Variants in ASAP1 observed in about 807,000 individuals in gnomAD.
ASAP1 encodes arf-GAP with SH3 domain, ANK repeat and PH domain-containing protein 1.
In ASAP1, 43 loss-of-function variants were observed where a neutral mutation model predicts 145.2. That is an observed-to-expected ratio of 0.30 (90% CI 0.23 to 0.38). The LOEUF (loss-of-function observed/expected upper bound fraction) is 0.38. ASAP1 is among the 10% of genes least tolerant of loss of function. The pLI is 1.00. For synonymous variants in ASAP1, 546 were observed against 515.5 expected (o/e 1.06, Z -0.80); for missense variants, 1,018 against 1,355.3 (o/e 0.75, Z 3.91).
intron 3 of ASAP1, among the ~76,000 whole-genome samples, chr8:130,307,177 C>T (rs1434425769): frequency 6.6e-6 from 1 of 151,340 alleles, no homozygotes; most frequent in East Asian, 1.9e-4. Flanking sequence ...ACAATGTACC[C>T]TCTATGAAGA....
At chr8:130,193,595 G>C (rs927568851) in intron 5 of ASAP1, among the ~76,000 whole-genome samples, 7 of 152,072 alleles carry the variant, frequency 4.6e-5, no homozygotes, top group Non-Finnish European at 1.0e-4. Context: ...AATATGAAAA[G>C]ACAGTGATTA....
At chr8:130,076,430 T>C (rs1031098123) in intron 26 of ASAP1, 24 bp from the exon 27 acceptor site, 2 of 1,577,386 alleles carry the variant, frequency 1.3e-6, no homozygotes, top group Non-Finnish European at 1.7e-6. Flanking sequence ...AAGAATCATT[T>C]AGGATCTAAA....
chr8:130,306,233 A>G (rs1822984803), intron 3 of ASAP1, among the ~76,000 whole-genome samples: 1 of 152,258 alleles, frequency 6.6e-6, no homozygotes, highest in African/African-American at 2.4e-5. Context: ...GCAATCTAGC[A>G]GAGTAGGCAC....
At chr8:130,268,927 T>C (rs1328191828) in intron 3 of ASAP1, among the ~76,000 whole-genome samples, 2 of 152,108 alleles carry the variant, frequency 1.3e-5, no homozygotes, top group African/African-American at 4.8e-5. Flanking sequence ...ATCAAGTTAC[T>C]TAACATGATT....
At position 130,248,961 on chromosome 8, in the gene ASAP1, C is replaced by A. The variant is rs190544642; in HGVS notation, c.187-11967G>T. On this transcript the variant is annotated intron_variant, in intron 3 of 29. Transcript: ENST00000518721. ...TTCTATTTTTTAGAAACAGGGGTCT[C>A]ACTATGTTAATAGGCTAGATTCGAA... Among the ~76,000 whole-genome samples the A allele has an allele frequency of 9.5e-4, 144 of 152,210 alleles. 2 individuals are homozygous for A. Among genetic ancestry groups the A allele is most frequent in the African/African-American group, 3.2e-3 (135 of 41,546 alleles).
intron 1 of ASAP1, among the ~76,000 whole-genome samples, chr8:130,411,005 C>G (rs1012458831): frequency 2.0e-5 from 3 of 152,206 alleles, no homozygotes; most frequent in African/African-American, 7.2e-5. Context: ...GGATTACAGG[C>G]ACCCACCACC....
intron 13 of ASAP1, among the ~76,000 whole-genome samples, chr8:130,146,016 GTT>G (rs376317332): frequency 2.1e-4 from 26 of 123,626 alleles, no homozygotes; most frequent in Admixed American, 3.3e-4. Flanking sequence ...TAAGTTTTGT[GTT>G]TTTTTTTTTT....
At chr8:130,397,031 G>A (rs967789752) in intron 2 of ASAP1, among the ~76,000 whole-genome samples, 1 of 152,142 alleles carries the variant, frequency 6.6e-6, no homozygotes, top group Non-Finnish European at 1.5e-5. Context: ...TAAAGGAAAC[G>A]GGTCTTGTTC....
chr8:130,236,802 AC>A (rs1176894131), intron 4 of ASAP1, 119 bp downstream of exon 4: 10 of 668,146 alleles, frequency 1.5e-5, no homozygotes, highest in Non-Finnish European at 2.4e-6. Context: ...AATTTCTTTT[AC>A]CTACTTACTT....
intron 13 of ASAP1, among the ~76,000 whole-genome samples, chr8:130,147,271 T>G (rs1295660152): frequency 6.6e-6 from 1 of 150,766 alleles, no homozygotes; most frequent in East Asian, 1.9e-4. Context: ...AGTTGTACAT[T>G]AGAGAAGTAG....
At chr8:130,352,491 A>G (rs1204284873) in intron 3 of ASAP1, among the ~76,000 whole-genome samples, 1 of 152,250 alleles carries the variant, frequency 6.6e-6, no homozygotes, top group East Asian at 1.9e-4. Context: ...TCAGCATGGC[A>G]GACACCCAAA....
At chr8:130,353,457 T>C (rs1826119409) in intron 3 of ASAP1, among the ~76,000 whole-genome samples, 1 of 152,348 alleles carries the variant, frequency 6.6e-6, no homozygotes, top group Middle Eastern at 3.4e-3. Flanking sequence ...CCTTTTTTAA[T>C]CAGACCAAAA....
At chr8:130,307,270 G>C (rs1823051783) in intron 3 of ASAP1, among the ~76,000 whole-genome samples, 1 of 150,944 alleles carries the variant, frequency 6.6e-6, no homozygotes, top group Non-Finnish European at 1.5e-5. Flanking sequence ...TGCTCCATTT[G>C]ATATTTCTTG....
chr8:130,143,815 G>A (rs2097619518), intron 13 of ASAP1, among the ~76,000 whole-genome samples: 1 of 152,226 alleles, frequency 6.6e-6, no homozygotes, highest in South Asian at 2.1e-4. Flanking sequence ...TTTGCTGGAA[G>A]TGTAAAGTTG....
intron 2 of ASAP1, among the ~76,000 whole-genome samples, chr8:130,368,935 A>C (rs1827088054): frequency 6.6e-6 from 1 of 152,184 alleles, no homozygotes; most frequent in African/African-American, 2.4e-5. Context: ...AATACTAAAA[A>C]AGCCCTGGCT....
intron 3 of ASAP1, among the ~76,000 whole-genome samples, chr8:130,332,133 A>G (rs904840807): frequency 6.6e-6 from 1 of 152,192 alleles, no homozygotes; most frequent in Middle Eastern, 3.2e-3. Flanking sequence ...CATGACCAAC[A>G]TCTGAAATTT....
intron 7 of ASAP1, among the ~76,000 whole-genome samples, chr8:130,186,040 T>G (rs1233695325): frequency 6.6e-6 from 1 of 152,140 alleles, no homozygotes; most frequent in Non-Finnish European, 1.5e-5. Context: ...AAGGTTTTTT[T>G]CTTCCCCCTT....
At chr8:130,259,589 T>A (rs1188904513) in intron 3 of ASAP1, among the ~76,000 whole-genome samples, 1 of 152,190 alleles carries the variant, frequency 6.6e-6, no homozygotes, top group Non-Finnish European at 1.5e-5. Flanking sequence ...CAAGTAAAAT[T>A]GGCATAAATT....
intron 3 of ASAP1, among the ~76,000 whole-genome samples, chr8:130,256,188 T>C (rs1016623889): frequency 5.3e-5 from 8 of 152,178 alleles, no homozygotes; most frequent in African/African-American, 1.4e-4. Flanking sequence ...TAAATCTTCC[T>C]GTTCGCAAGA....
Sources: allele counts gnomAD v4.1 joint callset (sites outside exome capture counted in the v4.1 genomes callset), GRCh38; gene constraint gnomAD v4.1.1; transcripts MANE v1.5; gene names NCBI Gene and HGNC (gene_info 2026-07-23, HGNC 2026-07-21).